The following ZDHHC18 variants were observed in gnomAD, a reference collection of about 807,000 sequenced individuals.
The protein encoded by ZDHHC18 is palmitoyltransferase ZDHHC18.
ZDHHC18 carries 23 observed loss-of-function variants against 37.5 expected under a neutral mutation model. The observed-to-expected ratio is 0.61, with a 90% CI of 0.44 to 0.87. The LOEUF is 0.87. ZDHHC18 is among the 40% of genes least tolerant of loss of function. ZDHHC18 has a pLI of 0.00. For synonymous variants in ZDHHC18, 185 were observed against 218.7 expected, an observed-to-expected ratio of 0.85 and a Z score of 1.36; for missense variants, 406 against 525.6, an observed-to-expected ratio of 0.77 and a Z score of 2.22.
At chr1:26,852,923 G>A in intron 7 of ZDHHC18, 58 bp downstream of exon 7, 2 of 1,541,650 alleles carry the variant, frequency 1.3e-6, no homozygotes, top group Admixed American at 3.4e-5. Context: ...AGTGATCAAA[G>A]TGTTCCTGGA....
rs760653086 is a variant in ZDHHC18 at position 26,848,754 on chromosome 1, G to C, written c.643G>C (p.Val215Leu). 6.2e-7 allele frequency: 1 copy of C among 1,609,686 alleles called. No homozygotes were observed. The highest frequency in any genetic ancestry group is 2.2e-5 in the East Asian group (1 of 44,702). ...TSHCSVCDNC[V>L]ERFDHHCPWV... ...ACACTGCAGTGTCTGCGACAACTGT[G>C]TGGGTGAGTAGGAGGCAGCAGGGAG... is the stretch of plus-strand genomic sequence containing the variant. Residue 215 changes from valine (V) to leucine (L), a missense_variant, in exon 3 of 8, where the codon GTG becomes CTG. Coordinates refer to ENST00000374142, the MANE Select transcript of ZDHHC18 (RefSeq NM_032283.3).
rs570530655 is a variant in ZDHHC18 at position 26,840,081 on chromosome 1, A to G, written c.496+7474A>G. The stretch of plus-strand genomic sequence containing the variant: ...TGCTCTTCTGCAGAGTGCTGGAGAG[A>G]AAGAAGCCTGGCTGCTGGAGACCAG... On this transcript the variant is annotated intron_variant, in intron 2 of 7. Transcript: ENST00000374142. Among the ~76,000 whole-genome samples the G allele has an allele frequency of 3.0e-4, 45 of 152,276 alleles. No individual in the cohort carries two copies. In the South Asian group the frequency reaches 4.2e-3, roughly 14 times the overall value.
intron 2 of ZDHHC18, among the ~76,000 whole-genome samples, chr1:26,837,600 C>G (rs2081619011): frequency 6.6e-6 from 1 of 151,834 alleles, no homozygotes; most frequent in Admixed American, 6.6e-5. Context: ...CTGCCTCAGC[C>G]TCCCAAGTAG....
rs1320367881 is a variant in ZDHHC18 at position 26,850,805 on chromosome 1, G to A, written c.833+199G>A. ...GGCATTGTGGGGCCGGGGGTTCCTC[G>A]TCTTCAGGGGCCTGGAAAAGAGTAT... On this transcript the variant is annotated intron_variant, in intron 5 of 7. Transcript: ENST00000374142. The surrounding 1 kb of genome is among the most constrained non-coding windows in gnomAD (Gnocchi z 6.1). Among the ~76,000 whole-genome samples the A allele has an allele frequency of 1.3e-5, 2 of 152,124 alleles. No homozygotes were observed. Among genetic ancestry groups the A allele is most frequent in the South Asian group, 2.1e-4 (1 of 4,830 alleles).
At chr1:26,838,801 G>C (rs1346509619) in intron 2 of ZDHHC18, among the ~76,000 whole-genome samples, 3 of 152,246 alleles carry the variant, frequency 2.0e-5, no homozygotes, top group Non-Finnish European at 4.4e-5. Flanking sequence ...CCTCAGGCGG[G>C]CTCTTCCTGT....
chr1:26,839,954 A>G (rs2081630055), intron 2 of ZDHHC18, among the ~76,000 whole-genome samples: 1 of 152,188 alleles, frequency 6.6e-6, no homozygotes, highest in Non-Finnish European at 1.5e-5. Context: ...AACTCTGGCG[A>G]CTTTGATTTA....
In ZDHHC18 at chr1:26,826,836, C is replaced by T; in HGVS notation, c.32C>T (p.Pro11Leu). The T allele has an allele frequency of 1.0e-6, 1 of 980,620 alleles. No individual in the cohort carries two copies. The highest frequency in any genetic ancestry group is 1.2e-6 in the Non-Finnish European group (1 of 828,054). The allele number at this position is 980,620 out of a possible 1,614,324, so 60.7% of individuals were successfully genotyped here. The change falls in exon 1 of 8, where the codon CCC (proline) becomes CTC (leucine). Residue 11 changes from proline to leucine, a missense_variant. Coordinates refer to ENST00000374142, the MANE Select transcript of ZDHHC18 (RefSeq NM_032283.3). The surrounding 1 kb of genome is among the most constrained non-coding windows in gnomAD (Gnocchi z 5.2). Reference protein sequence around the residue: MKDCEYQQISPGAAPLPASPG... With the variant: MKDCEYQQISLGAAPLPASPG... ...GACTGCGAGTACCAGCAGATCAGCC[C>T]CGGGGCCGCCCCGCTGCCCGCCTCC... is the stretch of plus-strand genomic sequence containing the variant.
Position 26,830,808 on chromosome 1 carries a change from G to C in ZDHHC18, c.336-1639G>C, listed in dbSNP as rs565885118. On this transcript the variant is annotated intron_variant, in intron 1 of 7. Transcript: ENST00000374142. ...TTGTTGTTGTTGTTGTTGAGATAGA[G>C]TTTTGCTCTTGTTGCCTAGGCTGGA... Among the ~76,000 whole-genome samples, 89 of 152,062 alleles carry C rather than the reference G, an allele frequency of 5.9e-4. 1 individual carries two copies. Among genetic ancestry groups the C allele is most frequent in the African/African-American group, 2.1e-3 (87 of 41,476 alleles).
chr1:26,850,752 C>T lies in ZDHHC18; in HGVS notation c.833+146C>T, dbSNP rs953006480. ...TCCAACATGCCAGCTCTTCTGTTCA[C>T]ACCCAGGCAAGAGCTGATCCTAAAT... On this transcript the variant is annotated intron_variant, in intron 5 of 7. Coordinates refer to ENST00000374142, the MANE Select transcript of ZDHHC18 (RefSeq NM_032283.3). The surrounding 1 kb of genome is among the most constrained non-coding windows in gnomAD (Gnocchi z 6.1). 4 of 1,013,252 alleles carry T rather than the reference C, an allele frequency of 3.9e-6. No individual in the cohort carries two copies. The highest frequency in any genetic ancestry group is 5.9e-6 in the Non-Finnish European group (4 of 683,558). The allele number at this position is 1,013,252 out of a possible 1,614,324, so 62.8% of individuals were successfully genotyped here.
intron 2 of ZDHHC18, among the ~76,000 whole-genome samples, chr1:26,832,886 A>G (rs549977374): frequency 2.0e-5 from 3 of 152,332 alleles, no homozygotes; most frequent in South Asian, 4.1e-4. Flanking sequence ...AGCTCTTTAT[A>G]TGCATGATCT....
At chr1:26,848,531 A>G in intron 2 of ZDHHC18, 77 bp from the exon 3 acceptor site, 1 of 1,557,938 alleles carries the variant, frequency 6.4e-7, no homozygotes, top group Non-Finnish European at 8.8e-7. Context: ...GCCAGGCAGC[A>G]GTAGCTTTCC....
chr1:26,851,046 C>A, intron 5 of ZDHHC18, 83 bp from the exon 6 acceptor site: 1 of 1,314,972 alleles, frequency 7.6e-7, no homozygotes, highest in Non-Finnish European at 1.1e-6. Context: ...GGAAACAGCT[C>A]CATGGAAGGA....
At chr1:26,834,223 A>T (rs967216961) in intron 2 of ZDHHC18, among the ~76,000 whole-genome samples, 8 of 152,222 alleles carry the variant, frequency 5.3e-5, no homozygotes, top group Admixed American at 2.0e-4. Context: ...AGCTGCGTGG[A>T]TCACAGTGAC....
chr1:26,832,131 A>T, intron 1 of ZDHHC18: 1 of 290,212 alleles, frequency 3.4e-6, no homozygotes, highest in Non-Finnish European at 6.5e-6. Flanking sequence ...GTGACAGTCC[A>T]CTAGTGTCTG....
intron 2 of ZDHHC18, among the ~76,000 whole-genome samples, chr1:26,834,013 T>C (rs2081599795): frequency 6.6e-6 from 1 of 152,188 alleles, no homozygotes; most frequent in Non-Finnish European, 1.5e-5. Flanking sequence ...TCCAGCGTCC[T>C]ACCCCTTCAA....
chr1:26,827,110 C>A lies in ZDHHC18; in HGVS notation c.306C>A (p.Leu102=). The A allele has an allele frequency of 1.4e-6, 2 of 1,419,356 alleles. No individual in the cohort carries two copies. Among genetic ancestry groups the A allele is most frequent in the South Asian group, 1.4e-5 (1 of 69,738 alleles). 87.9% of individuals were successfully genotyped at this position (1,419,356 alleles called of 1,614,324 possible). ...GVFALTLLLI[L]TTTGLFFVFD... is the part of the protein sequence containing the mutation. ...TCGCGCTCACGCTGCTGCTCATCCT[C>A]ACCACCACCGGCCTCTTCTTCGTCT... Residue 102 remains leucine (L), a synonymous_variant, in exon 1 of 8, where the codon CTC becomes CTA. Coordinates refer to ENST00000374142, the MANE Select transcript of ZDHHC18 (RefSeq NM_032283.3).
At chr1:26,829,806 G>T (rs564102792) in intron 1 of ZDHHC18, among the ~76,000 whole-genome samples, 36 of 152,326 alleles carry the variant, frequency 2.4e-4, no homozygotes, top group Non-Finnish European at 4.4e-4. Flanking sequence ...TGGCTGGCTA[G>T]ATGACCTTGA....
chr1:26,828,766 C>T (rs77743440), intron 1 of ZDHHC18, among the ~76,000 whole-genome samples: 9,034 of 151,576 alleles, frequency 0.06, 344 homozygotes, highest in Non-Finnish European at 0.087. Flanking sequence ...TCTGGGGGGC[C>T]CAGAGCTCAG....
chr1:26,837,394 CATA>C (rs1173728813), intron 2 of ZDHHC18, among the ~76,000 whole-genome samples: 3 of 146,064 alleles, frequency 2.1e-5, no homozygotes, highest in East Asian at 2.0e-4. Context: ...ATTTAATATG[CATA>C]ATATGTATTT....
Sources: gnomAD v4.1 joint callset for allele counts (sites outside exome capture counted in the v4.1 genomes callset) on GRCh38, gnomAD v4.1.1 for gene constraint, Gnocchi (gnomAD v3.1) non-coding constraint, MANE v1.5 for transcripts, NCBI Gene and HGNC (gene_info 2026-07-23, HGNC 2026-07-21) for gene names.